The following SLC2A7 variants were observed in gnomAD, a reference collection of about 807,000 sequenced individuals.
SLC2A7 encodes the protein solute carrier family 2 member 7.
SLC2A7 carries 50 observed loss-of-function variants against 50.5 expected under a neutral mutation model. The observed-to-expected ratio is 0.99, with a 90% CI of 0.79 to 1.25. The LOEUF (loss-of-function observed/expected upper bound fraction) is 1.25, where lower values mean the gene tolerates loss of function less well. SLC2A7 is among the 50% of genes most tolerant of loss of function. The pLI is 0.00. For synonymous variants in SLC2A7, 308 were observed against 300.4 expected, an observed-to-expected ratio of 1.03 and a Z score of -0.26; for missense variants, 683 against 679.1, an observed-to-expected ratio of 1.01 and a Z score of -0.06.
At chr1:9,012,203 G>T (rs546440647) in intron 8 of SLC2A7, among the ~76,000 whole-genome samples, 1 of 152,262 alleles carries the variant, frequency 6.6e-6, no homozygotes, top group Admixed American at 6.5e-5. Context: ...TGGGAGCGAA[G>T]TGCACCCCAA....
At position 9,016,936 on chromosome 1, in the gene SLC2A7, C is replaced by T. The variant is rs147777327; in HGVS notation, c.589+1287G>A. 1.2e-3 allele frequency among the ~76,000 whole-genome samples: 190 copies of T among 152,218 alleles called. 6 individuals carry two copies. In the East Asian group the frequency reaches 0.032, roughly 26 times the overall value. The stretch of plus-strand genomic sequence containing the variant: ...GAAGCAAGTTTTTCTCTGACCTTCT[C>T]CTGTCCCCCTGTCTCAGTCCCACTC... On this transcript the variant is annotated intron_variant, in intron 5 of 11. Transcript: ENST00000400906.
chr1:9,013,921 C>T (rs1463237279), intron 7 of SLC2A7, among the ~76,000 whole-genome samples: 1 of 152,202 alleles, frequency 6.6e-6, no homozygotes, highest in East Asian at 1.9e-4. Context: ...GCACTTTTCC[C>T]TCCATCATTC....
intron 8 of SLC2A7, among the ~76,000 whole-genome samples, chr1:9,011,507 A>C (rs1640748623): frequency 6.6e-6 from 1 of 151,990 alleles, no homozygotes; most frequent in Non-Finnish European, 1.5e-5. Context: ...AAAATAAATA[A>C]ATAAAAAGAA....
At position 9,025,085 on chromosome 1, in the gene SLC2A7, C is replaced by G. The variant is rs762394226; in HGVS notation, c.52-11G>C. 6.2e-7 allele frequency: 1 copy of G among 1,613,492 alleles called. No homozygotes were observed. The highest frequency in any genetic ancestry group is 8.5e-7 in the Non-Finnish European group (1 of 1,179,892). ...CGTCGGCTGGAGCCGCTGTAGGAGA[C>G]AAGTCCAAGGTCGGGACGCTGTGGG... On this transcript the variant is annotated splice_polypyrimidine_tract_variant and intron_variant, in intron 1 of 11. Coordinates refer to ENST00000400906, the MANE Select transcript of SLC2A7 (RefSeq NM_207420.3).
At chr1:9,026,261 G>A (rs1419168858) in intron 1 of SLC2A7, 34 bp downstream of exon 1, 2 of 1,602,774 alleles carry the variant, frequency 1.2e-6, no homozygotes, top group African/African-American at 1.3e-5. Context: ...TGGTGGGAGA[G>A]GGACAGTGAC....
intron 9 of SLC2A7, among the ~76,000 whole-genome samples, chr1:9,009,005 G>T (rs1047712381): frequency 5.9e-5 from 9 of 152,154 alleles, no homozygotes; most frequent in Non-Finnish European, 8.8e-5. Flanking sequence ...TGCTTTCCCC[G>T]CAGGCCCTGG....
At chr1:9,000,483 G>A (rs1434086125), downstream of SLC2A7, among the ~76,000 whole-genome samples, 1 of 151,976 alleles carries the variant, frequency 6.6e-6, no homozygotes, top group Non-Finnish European at 1.5e-5. Context: ...GCTGGGTGTG[G>A]TGGTGCGCAC....
chr1:9,007,607 T>C (rs1040210674), intron 9 of SLC2A7, among the ~76,000 whole-genome samples: 2 of 152,212 alleles, frequency 1.3e-5, no homozygotes, highest in Non-Finnish European at 2.9e-5. Context: ...ATGAGCGTCA[T>C]GGAGAACGAG....
At chr1:8,997,436 T>C in the SLC2A7 span, among the ~76,000 whole-genome samples, 1 of 152,168 alleles carries the variant, frequency 6.6e-6, no homozygotes, top group East Asian at 1.9e-4. Flanking sequence ...CTTTTGCTCT[T>C]GTTGCCCAGG....
intron 10 of SLC2A7, among the ~76,000 whole-genome samples, chr1:9,005,277 G>A (rs749590888): frequency 2.6e-5 from 4 of 152,194 alleles, no homozygotes; most frequent in African/African-American, 4.8e-5. Context: ...GACCGCCCGC[G>A]CTTGGGAAGT....
downstream of SLC2A7, among the ~76,000 whole-genome samples, chr1:8,999,838 G>A (rs138478787): frequency 8.1e-4 from 123 of 152,320 alleles, no homozygotes; most frequent in Middle Eastern, 3.4e-3. Flanking sequence ...GGACTCAGTC[G>A]TTGGTGCAGG....
downstream of SLC2A7, among the ~76,000 whole-genome samples, chr1:8,999,118 C>A (rs745837755): frequency 2.6e-5 from 4 of 152,152 alleles, no homozygotes; most frequent in Non-Finnish European, 4.4e-5. Flanking sequence ...CATTCAATTT[C>A]TTTAATTGAC....
At chr1:9,021,151 A>G (rs536794943) in intron 3 of SLC2A7, among the ~76,000 whole-genome samples, 1 of 152,164 alleles carries the variant, frequency 6.6e-6, no homozygotes, top group Non-Finnish European at 1.5e-5. Context: ...CTGGGATTAC[A>G]GGCATGCGCC....
rs563791117 is a variant in SLC2A7 at position 9,008,096 on chromosome 1, C to T, written c.1117-711G>A. Among the ~76,000 whole-genome samples the T allele has an allele frequency of 5.9e-5, 9 of 152,208 alleles. No individual in the cohort carries two copies. The highest frequency in any genetic ancestry group is 2.1e-4 in the South Asian group (1 of 4,808). On this transcript the variant is annotated intron_variant, in intron 9 of 11. Transcript: ENST00000400906. The surrounding 1 kb of genome is among the most constrained non-coding windows in gnomAD (Gnocchi z 5.9). The stretch of plus-strand genomic sequence containing the variant: ...CCCCGGACCCGTGGAGCTGGCAGAC[C>T]ACCATCTCTGCTCCCAACTGCCGAG...
In SLC2A7 at chr1:9,004,853, C is replaced by T. The variant is rs556461134; in HGVS notation, c.1219G>A (p.Glu407Lys). The T allele has an allele frequency of 4.3e-5, 69 of 1,613,944 alleles. No individual in the cohort carries two copies. The highest frequency in any genetic ancestry group is 1.7e-4 in the African/African-American group (13 of 75,022). ...PSPVPSVVRT[E>K]IFLQSSRRAA... ...CGCCGGGAGGACTGCAGGAAGATCT[C>T]GGTCCTCACCACCGAGGGGACAGGA... is the stretch of plus-strand genomic sequence containing the variant. The change falls in exon 11 of 12, where the codon GAG (glutamate) becomes AAG (lysine). Residue 407 changes from glutamate (E) to lysine (K), a missense_variant. By Grantham distance (56) the Glu-to-Lys change is moderately conservative. Coordinates refer to ENST00000400906, the MANE Select transcript of SLC2A7 (RefSeq NM_207420.3).
At chr1:9,007,535 G>A (rs1640673340) in intron 9 of SLC2A7, 150 bp from the exon 10 acceptor site, 1 of 692,316 alleles carries the variant, frequency 1.4e-6, no homozygotes, top group East Asian at 2.7e-5. Context: ...GTGGGCAAGA[G>A]AGGAAGGCCA....
intron 7 of SLC2A7, among the ~76,000 whole-genome samples, chr1:9,014,448 C>T (rs1640795247): frequency 6.6e-6 from 1 of 151,924 alleles, no homozygotes; most frequent in Non-Finnish European, 1.5e-5. Flanking sequence ...GGACTATTGG[C>T]AGGAGGCATT....
the SLC2A7 span, among the ~76,000 whole-genome samples, chr1:8,992,687 C>T: frequency 2.6e-5 from 4 of 152,202 alleles, no homozygotes; most frequent in African/African-American, 9.6e-5. Flanking sequence ...GTTTCACCTA[C>T]CAGAAGAATC....
chr1:9,007,867 T>C (rs1196904801), intron 9 of SLC2A7, among the ~76,000 whole-genome samples: 1 of 151,992 alleles, frequency 6.6e-6, no homozygotes, highest in Non-Finnish European at 1.5e-5. Context: ...CTCCTGTAGC[T>C]GGGACTAGAG....
Sources: gnomAD v4.1 joint callset for allele counts (sites outside exome capture counted in the v4.1 genomes callset) on GRCh38, gnomAD v4.1.1 for gene constraint, Gnocchi (gnomAD v3.1) non-coding constraint, MANE v1.5 for transcripts, NCBI Gene and HGNC (gene_info 2026-07-23, HGNC 2026-07-21) for gene names.